FNIP2: variants seen among roughly 807,000 people sequenced by gnomAD.
The protein encoded by FNIP2 is folliculin-interacting protein 2.
In FNIP2, 32 loss-of-function variants were observed where a neutral mutation model predicts 108.7. The ratio of observed to expected loss-of-function variants is 0.29; its 90% CI spans 0.22 to 0.40. The LOEUF (loss-of-function observed/expected upper bound fraction) is 0.40, where lower values mean the gene tolerates loss of function less well. FNIP2 is among the 10% of genes least tolerant of loss of function. FNIP2 has a pLI of 1.00. For synonymous variants in FNIP2, 480 were observed against 496.7 expected (o/e 0.97, Z 0.45); for missense variants, 1,202 against 1,381.6 (o/e 0.87, Z 2.06).
chr4:158,821,235 T>C (rs1777867937), intron 1 of FNIP2, among the ~76,000 whole-genome samples: 2 of 152,276 alleles, frequency 1.3e-5, no homozygotes, highest in Non-Finnish European at 2.9e-5. Flanking sequence ...CTTCTCTTAC[T>C]GTGCCTGAAG....
intron 8 of FNIP2, among the ~76,000 whole-genome samples, chr4:158,858,506 G>A (rs1041872383): frequency 6.6e-6 from 1 of 152,212 alleles, no homozygotes; most frequent in Admixed American, 6.5e-5. Context: ...TTTTACTGTA[G>A]CAGAAGAGAG....
At chr4:158,835,844 C>T (rs919221512) in intron 7 of FNIP2, 1 of 159,660 alleles carries the variant, frequency 6.3e-6, no homozygotes, top group Admixed American at 6.3e-5. Flanking sequence ...AGTGGGAGGA[C>T]CAGCCAGCTG....
chr4:158,904,093 G>A (rs1185906105), intron 16 of FNIP2, among the ~76,000 whole-genome samples: 5 of 152,208 alleles, frequency 3.3e-5, no homozygotes, highest in Non-Finnish European at 4.4e-5. Flanking sequence ...GCATTTAGAA[G>A]TGTTGACTGG....
intron 15 of FNIP2, among the ~76,000 whole-genome samples, chr4:158,895,433 GGATT>G (rs1400853412): frequency 6.6e-6 from 1 of 152,076 alleles, no homozygotes; most frequent in East Asian, 1.9e-4. Flanking sequence ...ATATGGGAAA[GGATT>G]ATTATAAAGT....
intron 1 of FNIP2, among the ~76,000 whole-genome samples, chr4:158,791,805 TTA>T (rs1776428019): frequency 6.6e-6 from 1 of 152,138 alleles, no homozygotes; most frequent in African/African-American, 2.4e-5. Context: ...AGTCTGAGGG[TTA>T]TATACATCAG....
Position 158,820,685 on chromosome 4 carries a change from G to T in FNIP2, c.108-5231G>T, listed in dbSNP as rs922545074. On this transcript the variant is annotated intron_variant, in intron 1 of 16. Transcript: ENST00000264433. The stretch of plus-strand genomic sequence containing the variant: ...CATTTGCTGTGTGGTTCTTCTGTAG[G>T]AGACACATCCCAAGCACCCAGTGAT... Among the ~76,000 whole-genome samples the T allele has an allele frequency of 2.4e-5, 3 of 124,406 alleles. No homozygotes were observed. In the Admixed American group the frequency reaches 2.7e-4, roughly 11 times the overall value. The allele number at this position is 124,406 out of a possible 152,430, so 81.6% of individuals were successfully genotyped here.
At chr4:158,787,417 A>G (rs889205988) in intron 1 of FNIP2, among the ~76,000 whole-genome samples, 2 of 152,222 alleles carry the variant, frequency 1.3e-5, no homozygotes, top group Non-Finnish European at 2.9e-5. Context: ...TGATAAAAGG[A>G]ACTTAACTGT....
At chr4:158,829,647 G>A (rs546389776) in intron 3 of FNIP2, among the ~76,000 whole-genome samples, 8 of 152,132 alleles carry the variant, frequency 5.3e-5, no homozygotes, top group African/African-American at 1.9e-4. Flanking sequence ...AGAAAGAAAT[G>A]GCAAGATCTA....
Position 158,855,022 on chromosome 4 carries a change from G to A in FNIP2, c.857+3572G>A, listed in dbSNP as rs1193369743. ...GCTCATGTTTTTTTGATTTACCTTGGGGAACAGGAATCTTAGTTTCTATGC... is the reference window on the plus strand; with the variant it reads ...GCTCATGTTTTTTTGATTTACCTTGAGGAACAGGAATCTTAGTTTCTATGC... On this transcript the variant is annotated intron_variant, in intron 8 of 16. Coordinates refer to ENST00000264433, the MANE Select transcript of FNIP2 (RefSeq NM_020840.3). Among the ~76,000 whole-genome samples, 6 of 152,064 alleles carry A rather than the reference G, an allele frequency of 3.9e-5. 1 individual carries two copies. The East Asian group carries it at 1.2e-3, about 29-fold the overall frequency.
chr4:158,796,358 T>G (rs1264483550), intron 1 of FNIP2, among the ~76,000 whole-genome samples: 2 of 152,092 alleles, frequency 1.3e-5, no homozygotes, highest in Non-Finnish European at 2.9e-5. Context: ...GAAAGATAAT[T>G]GTTCCACAGA....
chr4:158,823,340 A>C (rs572339334), intron 1 of FNIP2, among the ~76,000 whole-genome samples: 2 of 152,218 alleles, frequency 1.3e-5, no homozygotes, highest in African/African-American at 4.8e-5. Flanking sequence ...ATCTCGGCTC[A>C]CTGCAACCTC....
chr4:158,842,482 C>T (rs1183728981), intron 7 of FNIP2, among the ~76,000 whole-genome samples: 2 of 152,092 alleles, frequency 1.3e-5, no homozygotes, highest in Admixed American at 1.3e-4. Flanking sequence ...TTTTTATGCC[C>T]TCCGTAAGTC....
At chr4:158,875,722 A>G (rs1379553991) in intron 14 of FNIP2, among the ~76,000 whole-genome samples, 1 of 151,992 alleles carries the variant, frequency 6.6e-6, no homozygotes, top group Non-Finnish European at 1.5e-5. Context: ...GGACAAATCC[A>G]CTATTTTGGA....
chr4:158,775,265 C>A lies in FNIP2; in HGVS notation c.107+5946C>A, dbSNP rs149913431. The stretch of plus-strand genomic sequence containing the variant: ...AATGTTTTGTACTGATTGTACAAGC[C>A]CCTTGCTTAGTGTGAATTGTTAGGC... On this transcript the variant is annotated intron_variant, in intron 1 of 16. Coordinates refer to ENST00000264433, the MANE Select transcript of FNIP2 (RefSeq NM_020840.3). Among the ~76,000 whole-genome samples the A allele has an allele frequency of 4.5e-3, 682 of 152,038 alleles. 2 individuals carry two copies. The highest frequency in any genetic ancestry group is 0.02 in the Middle Eastern group (6 of 294).
chr4:158,882,123 G>A lies in FNIP2; in HGVS notation c.2950-9323G>A, dbSNP rs572593470. Among the ~76,000 whole-genome samples, 31 of 151,062 alleles carry A rather than the reference G, an allele frequency of 2.1e-4. 3 individuals carry two copies. In the South Asian group the frequency reaches 5.7e-3, roughly 28 times the overall value. The stretch of plus-strand genomic sequence containing the variant: ...GCGTCTCTGCCTGGCCGCCCCGTCT[G>A]AGAAATGAGGAGCCCCTCTGCCCGG... On this transcript the variant is annotated intron_variant, in intron 14 of 16. Coordinates refer to ENST00000264433, the MANE Select transcript of FNIP2 (RefSeq NM_020840.3).
chr4:158,831,643 G>A (rs533319411), intron 3 of FNIP2, among the ~76,000 whole-genome samples: 1 of 152,282 alleles, frequency 6.6e-6, no homozygotes, highest in African/African-American at 2.4e-5. Flanking sequence ...CCTAGGTGAT[G>A]ATGTTGTGTA....
At chr4:158,842,042 C>A (rs1261403908) in intron 7 of FNIP2, among the ~76,000 whole-genome samples, 1 of 152,232 alleles carries the variant, frequency 6.6e-6, no homozygotes, top group African/African-American at 2.4e-5. Flanking sequence ...TTTGCCTTGT[C>A]TTTATATATG....
rs1254557946 is a variant in FNIP2 at position 158,826,032 on chromosome 4, T to A, written c.224T>A (p.Val75Glu). 29 of 1,606,750 alleles carry A rather than the reference T, an allele frequency of 1.8e-5. No individual in the cohort carries two copies. The highest frequency in any genetic ancestry group is 2.3e-5 in the Non-Finnish European group (27 of 1,174,106). ...DSKAVQKIEE[V>E]TAQKTEDVPI... is the part of the protein sequence containing the mutation. ...AAAGCTGTTCAAAAGATTGAGGAGG[T>A]GACAGCTCAGGTATGAAATGCTGAT... The change falls in exon 2 of 17, where the codon GTG (valine) becomes GAG (glutamate). Residue 75 changes from valine (V) to glutamate (E), a missense_variant. Around this residue, in one of 5 missense-constraint regions of FNIP2, gnomAD observed 173 missense variants for 165.9 expected, o/e 1.04. Transcript: ENST00000264433.
intron 8 of FNIP2, among the ~76,000 whole-genome samples, chr4:158,856,398 ATTAT>A (rs1347261588): frequency 2.6e-5 from 4 of 152,218 alleles, no homozygotes; most frequent in Non-Finnish European, 5.9e-5. Flanking sequence ...TTTTGCTTTA[ATTAT>A]TTATGATCTT....
Sources: allele counts gnomAD v4.1 joint callset (sites outside exome capture counted in the v4.1 genomes callset), GRCh38; gene constraint gnomAD v4.1.1; regional missense constraint gnomAD v4.1.1; transcripts MANE v1.5; gene names NCBI Gene and HGNC (gene_info 2026-07-23, HGNC 2026-07-21).